Variants in PBX1 observed in about 807,000 individuals in gnomAD.
PBX1 encodes PBX homeobox 1.
Under a neutral mutation model 53.4 loss-of-function variants are expected in PBX1, and 6 were observed. The ratio of observed to expected loss-of-function variants is 0.11; its 90% CI spans 0.06 to 0.22. The LOEUF is 0.22. Among genes scored for constraint, PBX1 ranks in the 10% least tolerant of loss-of-function variants. The pLI is 1.00. For missense variants in PBX1, 251 were observed against 551.4 expected, an observed-to-expected ratio of 0.46 and a Z score of 5.46; for synonymous variants, 204 against 212.3, an observed-to-expected ratio of 0.96 and a Z score of 0.34.
At chr1:164,642,267 G>A (rs996173430) in intron 2 of PBX1, 1 of 151,980 alleles carries the variant, frequency 6.6e-6, no homozygotes, top group African/African-American at 2.4e-5. Flanking sequence ...ATTTGGTAGA[G>A]ACTGAGTCCC....
chr1:164,620,808 G>A (rs1330610720), intron 2 of PBX1, among the ~76,000 whole-genome samples: 2 of 151,524 alleles, frequency 1.3e-5, no homozygotes, highest in Non-Finnish European at 2.9e-5. Flanking sequence ...TCAGCCTCCC[G>A]AGTAGCTGGG....
chr1:164,684,701 C>CAA (rs760833519), intron 2 of PBX1: 2 of 152,102 alleles, frequency 1.3e-5, no homozygotes, highest in East Asian at 3.9e-4. Context: ...TTTCAGAAAT[C>CAA]ACTTAAAAAG....
At chr1:164,582,953 T>C (rs897964937) in intron 2 of PBX1, among the ~76,000 whole-genome samples, 1 of 152,160 alleles carries the variant, frequency 6.6e-6, no homozygotes, top group Non-Finnish European at 1.5e-5. Context: ...ACATATTCAG[T>C]TAATATATTT....
chr1:164,777,000 G>A (rs906355468), intron 2 of PBX1, among the ~76,000 whole-genome samples: 1 of 130,598 alleles, frequency 7.7e-6, no homozygotes, highest in Non-Finnish European at 1.6e-5. Context: ...GGGGCGGGGG[G>A]CTGCCATCCA....
chr1:164,699,519 G>A (rs1275039675), intron 2 of PBX1, among the ~76,000 whole-genome samples: 51 of 152,114 alleles, frequency 3.4e-4, no homozygotes, highest in Admixed American at 3.1e-3. Flanking sequence ...GCATGAACAG[G>A]GTGTCACACA....
chr1:164,576,892 G>A (rs1183813382), intron 2 of PBX1: 2 of 152,294 alleles, frequency 1.3e-5, no homozygotes, highest in Admixed American at 6.5e-5. Context: ...CTGTTCCGTG[G>A]GGCCCGCTGG....
downstream of PBX1, among the ~76,000 whole-genome samples, chr1:164,854,945 CT>C (rs539213655): frequency 0.017 from 1,944 of 116,330 alleles, 27 homozygotes; most frequent in African/African-American, 0.055. Context: ...CTCTCTCTCT[CT>C]TTTTTTTTTT....
At position 164,849,390 on chromosome 1, in the gene PBX1, G is replaced by A. The variant is rs1571526441; in HGVS notation, c.*2714G>A. The A allele has an allele frequency of 7.8e-6, 12 of 1,535,496 alleles. No homozygotes were observed. Among genetic ancestry groups the A allele is most frequent in the East Asian group, 7.3e-5 (3 of 40,894 alleles). On this transcript the variant is annotated 3_prime_UTR_variant, in exon 9 of 9. Coordinates refer to ENST00000420696, the MANE Select transcript of PBX1 (RefSeq NM_002585.4). ...CCCACTATCACTTCCGACTTCCAAC[G>A]TGGCATCCGTGAGATCTGTCCACAT...
chr1:164,816,872 AC>A (rs1669904705), intron 6 of PBX1: 1 of 151,848 alleles, frequency 6.6e-6, no homozygotes, highest in African/African-American at 2.4e-5. Context: ...TTTTTCTTTA[AC>A]AAATTTAAGT....
intron 2 of PBX1, among the ~76,000 whole-genome samples, chr1:164,630,364 A>G (rs552315178): frequency 1.3e-5 from 2 of 152,204 alleles, no homozygotes; most frequent in Admixed American, 1.3e-4. Flanking sequence ...TCTGTTTTAG[A>G]TCTTCACTTG....
chr1:164,822,132 G>A (rs1331067733), intron 8 of PBX1, among the ~76,000 whole-genome samples: 1 of 152,106 alleles, frequency 6.6e-6, no homozygotes, highest in African/African-American at 2.4e-5. Flanking sequence ...TCTTCTACTT[G>A]TTCTTGGGTA....
chr1:164,726,620 A>G (rs888116245), intron 2 of PBX1, among the ~76,000 whole-genome samples: 5 of 152,232 alleles, frequency 3.3e-5, no homozygotes, highest in Admixed American at 1.3e-4. Flanking sequence ...CTTGACATCT[A>G]TTGAGTATAA....
At chr1:164,858,259 G>T (rs1453249832) in intron 2 of PBX1, among the ~76,000 whole-genome samples, 1 of 152,024 alleles carries the variant, frequency 6.6e-6, no homozygotes, top group Non-Finnish European at 1.5e-5. Flanking sequence ...GAGCGAACCT[G>T]ATTCCTAGGG....
intron 2 of PBX1, among the ~76,000 whole-genome samples, chr1:164,783,727 C>A (rs116501655): frequency 0.02 from 2,980 of 152,086 alleles, 43 homozygotes; most frequent in Non-Finnish European, 0.028. Flanking sequence ...TTTTAGTGTA[C>A]GTTTTTTTTT....
intron 2 of PBX1, among the ~76,000 whole-genome samples, chr1:164,736,805 G>A (rs1463431826): frequency 6.6e-6 from 1 of 152,162 alleles, no homozygotes; most frequent in East Asian, 1.9e-4. Context: ...GTAGAGAAGA[G>A]CTAGTGAGAG....
chr1:164,571,985 C>T (rs558260212), intron 2 of PBX1, among the ~76,000 whole-genome samples: 3 of 143,486 alleles, frequency 2.1e-5, no homozygotes, highest in Non-Finnish European at 4.5e-5. Flanking sequence ...TGGCTCACCA[C>T]AATCTCTGCT....
intron 2 of PBX1, among the ~76,000 whole-genome samples, chr1:164,645,883 G>T (rs570954072): frequency 6.6e-6 from 1 of 152,288 alleles, no homozygotes; most frequent in East Asian, 1.9e-4. Context: ...TTTGAGGCAG[G>T]AGTTGTGTGA....
chr1:164,793,872 C>CTTTTTTTTTTTTTTTTTTTTTTT (rs72414989), intron 3 of PBX1, among the ~76,000 whole-genome samples: 5 of 78,220 alleles, frequency 6.4e-5, no homozygotes, highest in Non-Finnish European at 7.5e-5. Flanking sequence ...TTTTTCCTTT[C>CTTTTTTTTTTTTTTTTTTTTTTT]TTTTTTTTTT....
intron 2 of PBX1, among the ~76,000 whole-genome samples, chr1:164,645,553 G>T (rs187552607): frequency 1.3e-5 from 2 of 151,004 alleles, no homozygotes; most frequent in African/African-American, 4.9e-5. Flanking sequence ...AGAGTATAGT[G>T]GGGGGTGATC....
Sources: gnomAD v4.1 joint callset for allele counts (sites outside exome capture counted in the v4.1 genomes callset) on GRCh38, gnomAD v4.1.1 for gene constraint, MANE v1.5 for transcripts, NCBI Gene and HGNC (gene_info 2026-07-23, HGNC 2026-07-21) for gene names.